Variants in PAH observed in about 807,000 individuals in gnomAD.
PAH encodes the protein phenylalanine-4-hydroxylase.
Under a neutral mutation model 62.0 loss-of-function variants are expected in PAH, and 64 were observed. The ratio of observed to expected loss-of-function variants is 1.03; its 90% confidence interval spans 0.84 to 1.27. The LOEUF is 1.27. Ranked by LOEUF, PAH falls within the 50% of genes most tolerant of loss-of-function variation. The pLI, the probability that PAH is intolerant of heterozygous loss-of-function variation, is 0.00. For synonymous variants in PAH, 195 were observed against 196.2 expected, an observed-to-expected ratio of 0.99 and a Z score of 0.05; for missense variants, 579 against 542.8, an observed-to-expected ratio of 1.07 and a Z score of -0.66.
chr12:102,930,535 T>A (rs1436354695), intron 1 of PAH, among the ~76,000 whole-genome samples: 1 of 152,192 alleles, frequency 6.6e-6, no homozygotes, highest in Non-Finnish European at 1.5e-5. Context: ...AATTCATTTG[T>A]GTATAGTTAG....
chr12:102,958,393 C>CA (rs1880004492), upstream of PAH: 10 of 1,507,066 alleles, frequency 6.6e-6, no homozygotes, highest in African/African-American at 5.8e-5. Context: ...GCGCAGAGCG[C>CA]GCAGCAGCAG....
intron 4 of PAH, among the ~76,000 whole-genome samples, chr12:102,874,817 A>T (rs894212347): frequency 6.6e-6 from 1 of 152,236 alleles, no homozygotes; most frequent in Non-Finnish European, 1.5e-5. Flanking sequence ...TCTTGGAAAC[A>T]GTCCTTCCTT....
Position 102,851,730 on chromosome 12 carries a change from T to A in PAH, c.869A>T (p.His290Leu), listed in dbSNP as rs62642919. The A allele has an allele frequency of 6.2e-7, 1 of 1,614,110 alleles. No individual in the cohort carries two copies. The highest frequency in any genetic ancestry group is 8.5e-7 in the Non-Finnish European group (1 of 1,179,978). The change falls in exon 8 of 13, where the codon CAT (histidine) becomes CTT (leucine). Residue 290 changes from histidine (H) to leucine (L), a missense_variant. His to Leu is a moderately conservative substitution (Grantham distance 99). Transcript: ENST00000553106. The stretch of plus-strand genomic sequence containing the variant: ...GCTGCGATCTGAAAACAAGGGCACA[T>A]GTCCCAACAGCTCATGGCAGATGTC... Reference protein sequence around the residue: ...EPDICHELLGHVPLFSDRSFA... With the variant: ...EPDICHELLGLVPLFSDRSFA...
chr12:102,958,429 AGGC>A (rs776216632), upstream of PAH: 1 of 1,548,802 alleles, frequency 6.5e-7, no homozygotes, highest in African/African-American at 1.4e-5. Context: ...CAGCAGCAGC[AGGC>A]GCCGCAGCTG....
chr12:102,927,357 G>C (rs556185468), intron 1 of PAH, among the ~76,000 whole-genome samples: 31 of 150,394 alleles, frequency 2.1e-4, no homozygotes, highest in Non-Finnish European at 4.0e-4. Context: ...ATACTGCCTG[G>C]CAGTTTTCTC....
chr12:102,891,353 C>T (rs1877267622), intron 3 of PAH, among the ~76,000 whole-genome samples: 1 of 152,142 alleles, frequency 6.6e-6, no homozygotes, highest in Admixed American at 6.5e-5. Context: ...CACTGTTTGC[C>T]TTAAGGCAAG....
At chr12:102,933,786 T>C (rs1372713477) in intron 1 of PAH, among the ~76,000 whole-genome samples, 1 of 152,172 alleles carries the variant, frequency 6.6e-6, no homozygotes, top group African/African-American at 2.4e-5. Context: ...CATTTTTCAA[T>C]TGGATTATTA....
intron 2 of PAH, among the ~76,000 whole-genome samples, chr12:102,905,683 C>T (rs1877947725): frequency 6.6e-6 from 1 of 152,116 alleles, no homozygotes; most frequent in South Asian, 2.1e-4. Context: ...CTCCCCACAG[C>T]ACTGTGATGA....
At position 102,855,345 on chromosome 12, in the gene PAH, C is replaced by T. The variant is rs1875378869; in HGVS notation, c.510-13G>A. Reference sequence around the variant, plus strand: ...GATGGGCTGCCCACTAGAATACAGGCACAAAATAGGTGTCTCAAGCAGGGC... The same window carrying T: ...GATGGGCTGCCCACTAGAATACAGGTACAAAATAGGTGTCTCAAGCAGGGC... On this transcript the variant is annotated splice_polypyrimidine_tract_variant and intron_variant, in intron 5 of 12. Transcript: ENST00000553106. 4 of 1,612,906 alleles carry T rather than the reference C, an allele frequency of 2.5e-6. No homozygotes were observed. Among genetic ancestry groups the T allele is most frequent in the Non-Finnish European group, 3.4e-6 (4 of 1,179,038 alleles).
chr12:102,955,766 T>G (rs542873815), upstream of PAH, among the ~76,000 whole-genome samples: 49 of 152,200 alleles, frequency 3.2e-4, no homozygotes, highest in African/African-American at 1.1e-3. Context: ...CTTTCCTTGG[T>G]CAGGGATGTG....
intron 1 of PAH, among the ~76,000 whole-genome samples, chr12:102,932,131 A>G (rs1291311167): frequency 2.0e-5 from 3 of 152,116 alleles, no homozygotes; most frequent in African/African-American, 7.2e-5. Context: ...CTCTGCTTAC[A>G]AATCTCCCAG....
At chr12:102,903,402 A>AAT (rs1192774187) in intron 2 of PAH, among the ~76,000 whole-genome samples, 2 of 118,162 alleles carry the variant, frequency 1.7e-5, no homozygotes, top group African/African-American at 9.3e-5. Context: ...CAAACAAAAA[A>AAT]AAACAACCTT....
intron 1 of PAH, among the ~76,000 whole-genome samples, chr12:102,913,290 A>G (rs1444184917): frequency 1.3e-5 from 2 of 152,222 alleles, no homozygotes; most frequent in East Asian, 3.8e-4. Context: ...AGACACATAT[A>G]TAACAAACTG....
At chr12:102,853,233 A>T in intron 6 of PAH, 1 of 448,448 alleles carries the variant, frequency 2.2e-6, no homozygotes. Flanking sequence ...CAAAGTACTT[A>T]GCACAGAGCC....
intron 2 of PAH, among the ~76,000 whole-genome samples, chr12:102,908,221 G>GAC (rs150345639): frequency 0.058 from 8,270 of 141,724 alleles, 428 homozygotes; most frequent in African/African-American, 0.14. Flanking sequence ...CTGCAGCCCC[G>GAC]ACACACACAC....
intron 1 of PAH, among the ~76,000 whole-genome samples, chr12:102,914,104 T>C (rs1878299451): frequency 6.6e-6 from 1 of 152,184 alleles, no homozygotes; most frequent in Non-Finnish European, 1.5e-5. Context: ...AAAAATTCTT[T>C]CAATTCAGAA....
At chr12:102,883,896 TA>T (rs890035735) in intron 3 of PAH, among the ~76,000 whole-genome samples, 27 of 152,224 alleles carry the variant, frequency 1.8e-4, no homozygotes, top group African/African-American at 6.5e-4. Context: ...GTTTCCCATT[TA>T]CAAAATAGCT....
At chr12:102,895,546 C>T (rs1877461979) in intron 2 of PAH, among the ~76,000 whole-genome samples, 1 of 151,996 alleles carries the variant, frequency 6.6e-6, no homozygotes, top group South Asian at 2.1e-4. Context: ...AATATAATTA[C>T]CACTAATATA....
In PAH at chr12:102,943,415, T is replaced by C. The variant is rs889804517; in HGVS notation, c.-96+7174A>G. 2.0e-5 allele frequency among the ~76,000 whole-genome samples: 3 copies of C among 151,882 alleles called. No homozygotes were observed. The South Asian group carries it at 6.2e-4, about 32-fold the overall frequency. ...AATGGCGATCATGAAAAAATAAAAATGTAGCAGATGTTGGTGAGGTTGTGG... is the reference window on the plus strand; with the variant it reads ...AATGGCGATCATGAAAAAATAAAAACGTAGCAGATGTTGGTGAGGTTGTGG... On this transcript the variant is annotated intron_variant, in intron 1 of 3. Coordinates refer to the PAH transcript ENST00000546844.
Sources: allele counts gnomAD v4.1 joint callset (sites outside exome capture counted in the v4.1 genomes callset), GRCh38; gene constraint gnomAD v4.1.1; transcripts MANE v1.5; gene names NCBI Gene and HGNC (gene_info 2026-07-23, HGNC 2026-07-21).